FANCD2: variants seen among roughly 807,000 people sequenced by gnomAD.
FANCD2 encodes Fanconi anemia group D2 protein.
Under a neutral mutation model 192.3 loss-of-function variants are expected in FANCD2, and 131 were observed. That is an observed-to-expected ratio of 0.68 (90% CI 0.59 to 0.79). FANCD2 has a LOEUF of 0.79. Among genes scored for constraint, FANCD2 ranks in the 30% least tolerant of loss-of-function variants. The pLI is 0.00. For missense variants in FANCD2, 1,508 were observed against 1,701.6 expected (o/e 0.89, Z 2.00); for synonymous variants, 524 against 612.5 (o/e 0.86, Z 2.13).
intron 2 of FANCD2, among the ~76,000 whole-genome samples, chr3:10,031,540 A>G (rs2086603940): frequency 6.6e-6 from 1 of 151,706 alleles, no homozygotes; most frequent in African/African-American, 2.4e-5. Context: ...GGAATTGAAG[A>G]AGGAAAAAAC....
At position 10,074,713 on chromosome 3, in the gene FANCD2, C is replaced by T. The variant is rs756201843; in HGVS notation, c.2859+40C>T. On this transcript the variant is annotated intron_variant, in intron 29 of 43. Transcript: ENST00000675286. Reference sequence around the variant, plus strand: ...AGGATCTCAGAATTTAATCTTCTTTCAGAAAGTTCCTCAGGTCTATTCTTA... The same window carrying T: ...AGGATCTCAGAATTTAATCTTCTTTTAGAAAGTTCCTCAGGTCTATTCTTA... 13 of 1,595,274 alleles carry T rather than the reference C, an allele frequency of 8.1e-6. 1 individual carries two copies. The South Asian group carries it at 1.4e-4, about 18-fold the overall frequency.
At chr3:10,092,646 C>T (rs1694711688) in intron 38 of FANCD2, among the ~76,000 whole-genome samples, 1 of 151,432 alleles carries the variant, frequency 6.6e-6, no homozygotes, top group African/African-American at 2.4e-5. Flanking sequence ...CTTGTTCCCC[C>T]AGCCTAGAAT....
chr3:10,035,627 G>T (rs1257726321), intron 6 of FANCD2, among the ~76,000 whole-genome samples: 1 of 151,962 alleles, frequency 6.6e-6, no homozygotes, highest in South Asian at 2.1e-4. Flanking sequence ...ACAATACATT[G>T]ATATGATTTA....
intron 2 of FANCD2, among the ~76,000 whole-genome samples, chr3:10,030,160 A>G (rs1463328229): frequency 2.7e-5 from 4 of 147,548 alleles, no homozygotes; most frequent in Non-Finnish European, 5.9e-5. Flanking sequence ...GCAGTGGCAC[A>G]ATCTTGGCTC....
At chr3:10,089,719 C>T (rs1292869244) in intron 36 of FANCD2, among the ~76,000 whole-genome samples, 2 of 152,286 alleles carry the variant, frequency 1.3e-5, no homozygotes, top group Admixed American at 1.3e-4. Flanking sequence ...CTGCCTGCCT[C>T]GGCCTCTCAA....
intron 32 of FANCD2, chr3:10,081,680 T>G: frequency 1.7e-6 from 1 of 588,530 alleles, no homozygotes; most frequent in African/African-American, 1.9e-5. Flanking sequence ...TTTGACAGAT[T>G]AGGTGACTTG....
At chr3:10,040,613 T>C (rs909980464) in intron 9 of FANCD2, 1 of 455,574 alleles carries the variant, frequency 2.2e-6, no homozygotes, top group Non-Finnish European at 4.4e-6. Context: ...ATTTGAAAAA[T>C]AGTAATTGGT....
chr3:10,082,850 A>AT (rs1350367017), intron 32 of FANCD2, among the ~76,000 whole-genome samples: 2 of 152,202 alleles, frequency 1.3e-5, no homozygotes, highest in Non-Finnish European at 2.9e-5. Context: ...GATGTCTGTC[A>AT]TTTTTATATC....
rs765082165 is a variant in FANCD2 at position 10,034,493 on chromosome 3, A to C, written c.230A>C (p.Lys77Thr). 15 of 1,613,214 alleles carry C rather than the reference A, an allele frequency of 9.3e-6. No individual in the cohort carries two copies. In the South Asian group the frequency reaches 1.2e-4, roughly 13 times the overall value. ...QLAVDQIAFQKKLFQTLRRHP... is the reference protein window; with the variant it reads ...QLAVDQIAFQTKLFQTLRRHP... ...GCTGTGGATCAAATAGCTTTCCAAA[A>C]GAAGCTCTTTCAGACCCTGAGGAGA... Residue 77 changes from lysine to threonine, a missense_variant, in exon 4 of 44, where the codon AAG (lysine) becomes ACG (threonine). Transcript: ENST00000675286.
Position 10,081,120 on chromosome 3 carries a change from T to C in FANCD2, c.2997T>C (p.Ile999=). The C allele has an allele frequency of 8.1e-6, 13 of 1,614,200 alleles. No homozygotes were observed. The highest frequency in any genetic ancestry group is 1.0e-5 in the Non-Finnish European group (12 of 1,180,044). ...PFLKNKGSRN[I]GFSHLQQRSA... ...TATAGAACAAAGGAAGCCGGAATATTGGATTCTCACATCTCCAACAGAGAT... is the reference window on the plus strand; with the variant it reads ...TATAGAACAAAGGAAGCCGGAATATCGGATTCTCACATCTCCAACAGAGAT... The change falls in exon 31 of 44, where the codon ATT becomes ATC. Residue 999 remains isoleucine (I), a synonymous_variant. Transcript: ENST00000675286.
chr3:10,037,262 C>CA (rs1311666828), intron 7 of FANCD2, among the ~76,000 whole-genome samples: 1 of 152,080 alleles, frequency 6.6e-6, no homozygotes, highest in Non-Finnish European at 1.5e-5. Flanking sequence ...TGTTAGCAAT[C>CA]AAAGGCACAA....
intron 29 of FANCD2, among the ~76,000 whole-genome samples, chr3:10,075,650 T>A (rs1693492911): frequency 6.6e-6 from 1 of 152,070 alleles, no homozygotes; most frequent in Admixed American, 6.5e-5. Flanking sequence ...TTCTCTAGGT[T>A]TAAGAGAAAT....
intron 26 of FANCD2, among the ~76,000 whole-genome samples, chr3:10,071,646 A>G (rs1248547489): frequency 2.6e-5 from 4 of 152,212 alleles, no homozygotes; most frequent in African/African-American, 9.6e-5. Flanking sequence ...TCATGGAGAT[A>G]GAGTAGAAGT....
rs1230441414 is a variant in FANCD2 at position 10,074,494 on chromosome 3, T to G, written c.2716-36T>G. ...TTAAAATTCGATTAATATAGAAGAT[T>G]TATATATTCTCTTTGTTGCTGTGAC... On this transcript the variant is annotated intron_variant, in intron 28 of 43. Transcript: ENST00000675286. 5 of 1,585,910 alleles carry G rather than the reference T, an allele frequency of 3.2e-6. No homozygotes were observed. In the Admixed American group the frequency reaches 8.5e-5, roughly 27 times the overall value.
chr3:10,028,806 C>T (rs2086520559), intron 2 of FANCD2, 85 bp downstream of exon 2: 1 of 1,138,638 alleles, frequency 8.8e-7, no homozygotes, highest in Non-Finnish European at 1.3e-6. Context: ...TTTTCAAGTG[C>T]TGAGAATCTT....
chr3:10,095,036 G>A, intron 40 of FANCD2, 164 bp from the exon 41 acceptor site: 1 of 662,224 alleles, frequency 1.5e-6, no homozygotes. Flanking sequence ...AGAATAAGAG[G>A]TAGCTGCTAT....
intron 43 of FANCD2, chr3:10,099,365 G>A (rs905224776): frequency 1.0e-4 from 120 of 1,167,746 alleles, no homozygotes; most frequent in Non-Finnish European, 1.2e-4. Context: ...GCTCATGCTT[G>A]TAATCCTAGC....
chr3:10,083,402 A>G (rs1288408163), intron 32 of FANCD2: 1 of 152,260 alleles, frequency 6.6e-6, no homozygotes, highest in African/African-American at 2.4e-5. Context: ...GCATAGCTAC[A>G]TCAAAAAGAC....
At position 10,093,424 on chromosome 3, in the gene FANCD2, C is replaced by T. The variant is rs1028570491; in HGVS notation, c.3888+101C>T. The T allele has an allele frequency of 1.3e-5, 13 of 976,004 alleles. No homozygotes were observed. In the East Asian group the frequency reaches 1.7e-4, roughly 13 times the overall value. 60.5% of individuals were successfully genotyped at this position (976,004 alleles called of 1,614,324 possible). On this transcript the variant is annotated intron_variant, in intron 39 of 43. Transcript: ENST00000675286. Reference sequence around the variant, plus strand: ...AATTGCTCAATTTCTTGCCCACAAGCCAGAGTTTCCAGAATCTATGCCAGT... The same window carrying T: ...AATTGCTCAATTTCTTGCCCACAAGTCAGAGTTTCCAGAATCTATGCCAGT...
Sources: allele counts gnomAD v4.1 joint callset (sites outside exome capture counted in the v4.1 genomes callset), GRCh38; gene constraint gnomAD v4.1.1; transcripts MANE v1.5; gene names NCBI Gene and HGNC (gene_info 2026-07-23, HGNC 2026-07-21).